ANKS1A: variants seen among roughly 807,000 people sequenced by gnomAD.
The protein encoded by ANKS1A is ankyrin repeat and SAM domain-containing protein 1A.
Under a neutral mutation model 120.3 loss-of-function variants are expected in ANKS1A, and 55 were observed. That is an observed-to-expected ratio of 0.46 (90% CI 0.37 to 0.57). The LOEUF (loss-of-function observed/expected upper bound fraction) is 0.57. ANKS1A is among the 20% of genes least tolerant of loss of function. The pLI, the probability that ANKS1A is intolerant of heterozygous loss-of-function variation, is 0.00. For missense variants in ANKS1A, 1,123 were observed against 1,480.3 expected (o/e 0.76, Z 3.96); for synonymous variants, 590 against 604.7 (o/e 0.98, Z 0.36).
chr6:35,088,728 A>G lies in ANKS1A; in HGVS notation c.*119A>G. The G allele has an allele frequency of 6.2e-7, 1 of 1,605,504 alleles. No individual in the cohort carries two copies. Among genetic ancestry groups the G allele is most frequent in the East Asian group, 2.3e-5 (1 of 44,366 alleles). On this transcript the variant is annotated 3_prime_UTR_variant, in exon 24 of 24. Coordinates refer to ENST00000360359, the MANE Select transcript of ANKS1A (RefSeq NM_015245.3). ...AGACCCAGGCCTCACCTCCGCCTGC[A>G]GGACCTCCTCTTGGCCACTTGGCCT...
intron 1 of ANKS1A, among the ~76,000 whole-genome samples, chr6:34,908,377 A>G (rs1199990694): frequency 1.3e-5 from 2 of 152,200 alleles, no homozygotes; most frequent in Non-Finnish European, 2.9e-5. Flanking sequence ...GTAAGCGGCT[A>G]TCCAGCAGGA....
rs1771921807 is a variant in ANKS1A at position 34,981,853 on chromosome 6, T to C, written c.599T>C (p.Met200Thr). The change falls in exon 4 of 24, where the codon ATG becomes ACG. Residue 200 changes from methionine (M) to threonine (T), a missense_variant. Around this residue, in one of 3 missense-constraint regions of ANKS1A, gnomAD observed 146 missense variants for 267.8 expected, o/e 0.55. Transcript: ENST00000360359. ...ALYGRLEVVK[M>T]LLNAHPNLLS... is the part of the protein sequence containing the mutation. ...TACGGGCGACTGGAGGTGGTGAAAA[T>C]GCTCCTTAATGCACACCCCAACCTC... 2 of 1,613,916 alleles carry C rather than the reference T, an allele frequency of 1.2e-6. No individual in the cohort carries two copies. Among genetic ancestry groups the C allele is most frequent in the Non-Finnish European group, 1.7e-6 (2 of 1,180,030 alleles).
At chr6:35,032,539 C>T (rs1774960134) in intron 11 of ANKS1A, among the ~76,000 whole-genome samples, 1 of 152,156 alleles carries the variant, frequency 6.6e-6, no homozygotes, top group South Asian at 2.1e-4. Context: ...AATGCAAGTC[C>T]TTGATTAAGG....
chr6:35,003,198 T>C (rs993933907), intron 10 of ANKS1A, among the ~76,000 whole-genome samples: 12 of 152,080 alleles, frequency 7.9e-5, no homozygotes, highest in African/African-American at 2.9e-4. Flanking sequence ...CATACAATAT[T>C]ATAGGCCTGC....
At chr6:35,066,917 C>G (rs1210485932) in intron 13 of ANKS1A, among the ~76,000 whole-genome samples, 1 of 152,184 alleles carries the variant, frequency 6.6e-6, no homozygotes, top group East Asian at 1.9e-4. Context: ...ACAAAACAGC[C>G]ACTGAGCGCC....
chr6:35,018,979 C>T (rs949006574), intron 11 of ANKS1A, among the ~76,000 whole-genome samples: 1 of 152,134 alleles, frequency 6.6e-6, no homozygotes, highest in Admixed American at 6.5e-5. Context: ...TCCTGCCCAT[C>T]CCACATTCCC....
intron 13 of ANKS1A, among the ~76,000 whole-genome samples, chr6:35,070,472 A>G (rs1777021183): frequency 7.0e-6 from 1 of 142,844 alleles, no homozygotes; most frequent in Non-Finnish European, 1.5e-5. Flanking sequence ...CTTGGTCCCC[A>G]CAAGCCTTTA....
intron 11 of ANKS1A, among the ~76,000 whole-genome samples, chr6:35,028,117 G>T (rs1260919627): frequency 1.3e-5 from 2 of 152,262 alleles, no homozygotes; most frequent in African/African-American, 4.8e-5. Context: ...CTGAAATGTT[G>T]TGGTTTGTGT....
chr6:35,061,117 A>C (rs1776473473), intron 13 of ANKS1A, among the ~76,000 whole-genome samples: 1 of 152,250 alleles, frequency 6.6e-6, no homozygotes. Flanking sequence ...TCTTCCCAGC[A>C]GCCCTGGGAT....
At chr6:35,028,152 C>T (rs1774722711) in intron 11 of ANKS1A, among the ~76,000 whole-genome samples, 1 of 152,192 alleles carries the variant, frequency 6.6e-6, no homozygotes, top group African/African-American at 2.4e-5. Context: ...CTTTCCTTTC[C>T]ACTTTGGATC....
At chr6:34,983,833 C>G in intron 7 of ANKS1A, among the ~76,000 whole-genome samples, 1 of 150,534 alleles carries the variant, frequency 6.6e-6, no homozygotes, top group Non-Finnish European at 1.5e-5. Flanking sequence ...ACTCTGTTGC[C>G]CAGGCTGGAG....
At chr6:34,957,676 C>G (rs1472971610) in intron 1 of ANKS1A, among the ~76,000 whole-genome samples, 2 of 152,200 alleles carry the variant, frequency 1.3e-5, no homozygotes, top group Non-Finnish European at 2.9e-5. Context: ...TTTACAGGGT[C>G]TGTGATCCAG....
At chr6:35,075,285 A>G (rs1050235481) in intron 13 of ANKS1A, among the ~76,000 whole-genome samples, 39 of 152,386 alleles carry the variant, frequency 2.6e-4, no homozygotes, top group African/African-American at 8.7e-4. Flanking sequence ...AAGCTCTGCA[A>G]GAAAAGTTGG....
At chr6:34,929,959 G>A (rs1768905055) in intron 1 of ANKS1A, among the ~76,000 whole-genome samples, 1 of 151,584 alleles carries the variant, frequency 6.6e-6, no homozygotes, top group Non-Finnish European at 1.5e-5. Flanking sequence ...CTATAGTCCT[G>A]GCTTATTCTC....
Position 35,079,889 on chromosome 6 carries a change from G to A in ANKS1A, c.2505G>A (p.Glu835=), listed in dbSNP as rs775980728. 16 of 1,561,904 alleles carry A rather than the reference G, an allele frequency of 1.0e-5. No individual in the cohort carries two copies. The South Asian group carries it at 1.9e-4, about 18-fold the overall frequency. ...IIASLADRPY[E]EPPQKPPRFS... is the part of the protein sequence containing the mutation. The stretch of plus-strand genomic sequence containing the variant: ...CCTCCCTCGCAGACAGACCGTACGA[G>A]GAGCCGCCCCAGAAGCCCCCCAGAT... The change falls in exon 16 of 24, where the codon GAG becomes GAA. Residue 835 remains glutamate, a synonymous_variant. Transcript: ENST00000360359.
At position 35,084,041 on chromosome 6, in the gene ANKS1A, A is replaced by G; in HGVS notation, c.2995-80A>G. ...CTCTAGGCTGGGACAGAGAACAGTG[A>G]CAATGGTAACAGGCTGGGGCAGGGG... On this transcript the variant is annotated intron_variant, in intron 20 of 23. Transcript: ENST00000360359. The surrounding 1 kb of genome is among the most constrained non-coding windows in gnomAD (Gnocchi z 4.8). 6.3e-7 allele frequency: 1 copy of G among 1,576,614 alleles called. No homozygotes were observed. The highest frequency in any genetic ancestry group is 8.7e-7 in the Non-Finnish European group (1 of 1,155,704).
rs1581775006 is a variant in ANKS1A, at chr6:35,091,365, TAGAAC to T, written c.*2760_*2764del. 13 of 985,418 alleles carry T rather than the reference TAGAAC, an allele frequency of 1.3e-5. No individual in the cohort carries two copies. The East Asian group carries it at 3.4e-4, about 26-fold the overall frequency. 61.0% of individuals were successfully genotyped at this position (985,418 alleles called of 1,614,324 possible). The stretch of plus-strand genomic sequence containing the variant: ...GTTATTTTCATAACTGTACACAACT[TAGAAC>T]AGACTGAATTAATAAATGAGAAGCG... On this transcript the variant is annotated 3_prime_UTR_variant, in exon 24 of 24. Coordinates refer to ENST00000360359, the MANE Select transcript of ANKS1A (RefSeq NM_015245.3).
intron 10 of ANKS1A, among the ~76,000 whole-genome samples, chr6:35,011,799 CTG>C (rs1773771615): frequency 6.6e-6 from 1 of 152,182 alleles, no homozygotes; most frequent in Admixed American, 6.5e-5. Context: ...TCAGAAATGA[CTG>C]TAAATGAAAA....
chr6:35,017,567 C>T lies in ANKS1A; in HGVS notation c.1518C>T (p.Ser506=), dbSNP rs917273020. 1 of 1,614,080 alleles carries T rather than the reference C, an allele frequency of 6.2e-7. No individual in the cohort carries two copies. The highest frequency in any genetic ancestry group is 8.5e-7 in the Non-Finnish European group (1 of 1,179,994). ...PEQFSGLLHG[S]SPVCEVGQDP... ...AGTTCTCAGGCCTCCTCCACGGCTC[C>T]TCCCCGGTGTGCGAGGTGGGGCAGG... Residue 506 remains serine, a synonymous_variant, in exon 11 of 24, where the codon TCC becomes TCT. Coordinates refer to ENST00000360359, the MANE Select transcript of ANKS1A (RefSeq NM_015245.3).
Sources: allele counts gnomAD v4.1 joint callset (sites outside exome capture counted in the v4.1 genomes callset), GRCh38; gene constraint gnomAD v4.1.1; regional missense constraint gnomAD v4.1.1; non-coding constraint Gnocchi (gnomAD v3.1); transcripts MANE v1.5; gene names NCBI Gene and HGNC (gene_info 2026-07-23, HGNC 2026-07-21).